Variants in KCNIP1 observed in about 807,000 individuals in gnomAD.
KCNIP1 encodes the protein potassium voltage-gated channel interacting protein 1.
KCNIP1 carries 18 observed loss-of-function variants against 33.0 expected under a neutral mutation model. The ratio of observed to expected loss-of-function variants is 0.55; its 90% CI spans 0.38 to 0.81. The LOEUF is 0.81. Ranked by LOEUF, KCNIP1 falls within the 30% of genes least tolerant of loss-of-function variation. The pLI, the probability that KCNIP1 is intolerant of heterozygous loss-of-function variation, is 0.00. For missense variants in KCNIP1, 238 were observed against 271.6 expected (o/e 0.88, Z 0.87); for synonymous variants, 93 against 98.3 (o/e 0.95, Z 0.32).
Position 170,489,999 on chromosome 5 carries a change from A to G in KCNIP1, c.88+136035A>G, listed in dbSNP as rs1757173992. 6.6e-6 allele frequency among the ~76,000 whole-genome samples: 1 copy of G among 152,194 alleles called. No homozygotes were observed. The highest frequency in any genetic ancestry group is 1.5e-5 in the Non-Finnish European group (1 of 68,036). ...GGTTTGAGGGTTAAGGACATTCACC[A>G]GTCTCCCAGCACACTCATCTCCACC... On this transcript the variant is annotated intron_variant, in intron 1 of 7. Coordinates refer to the KCNIP1 transcript ENST00000377360. This position sits in a 1 kb window ranked among gnomAD's most constrained non-coding sequence, Gnocchi z 4.3.
intron 1 of KCNIP1, among the ~76,000 whole-genome samples, chr5:170,565,516 A>T (rs10050738): frequency 0.64 from 96,731 of 151,710 alleles, 31,562 homozygotes; most frequent in African/African-American, 0.78. Flanking sequence ...TCTTCTCTAA[A>T]CACTCACAGT....
chr5:170,729,282 A>C (rs1764114156), intron 5 of KCNIP1, among the ~76,000 whole-genome samples: 1 of 152,220 alleles, frequency 6.6e-6, no homozygotes, highest in Non-Finnish European at 1.5e-5. Flanking sequence ...TCTGCATATC[A>C]AAAAATACCA....
chr5:170,533,841 C>G (rs935506704), intron 1 of KCNIP1, among the ~76,000 whole-genome samples: 3 of 152,184 alleles, frequency 2.0e-5, no homozygotes, highest in Non-Finnish European at 4.4e-5. Flanking sequence ...TGCCCATCTC[C>G]TGATCCACAA....
intron 1 of KCNIP1, among the ~76,000 whole-genome samples, chr5:170,625,456 C>T (rs1317134456): frequency 6.6e-6 from 1 of 152,246 alleles, no homozygotes; most frequent in Non-Finnish European, 1.5e-5. Context: ...GCACCCTCAT[C>T]TCCGGCTCCC....
At chr5:170,477,999 G>A (rs186898321) in intron 1 of KCNIP1, among the ~76,000 whole-genome samples, 64 of 152,286 alleles carry the variant, frequency 4.2e-4, no homozygotes, top group Non-Finnish European at 6.9e-4. Flanking sequence ...TGCTGGGGAG[G>A]TGTCAGGGGA....
intron 1 of KCNIP1, among the ~76,000 whole-genome samples, chr5:170,411,283 T>C (rs1561612541): frequency 6.6e-6 from 1 of 152,260 alleles, no homozygotes; most frequent in African/African-American, 2.4e-5. Flanking sequence ...ATGCCCATTT[T>C]ACAGATAAGG....
chr5:170,596,107 A>C (rs575809646), intron 1 of KCNIP1, among the ~76,000 whole-genome samples: 2 of 152,342 alleles, frequency 1.3e-5, no homozygotes, highest in African/African-American at 4.8e-5. Context: ...GGGCTTCGAA[A>C]GCAGCAGAAA....
At chr5:170,399,948 C>T (rs143158839) in intron 1 of KCNIP1, among the ~76,000 whole-genome samples, 8 of 152,234 alleles carry the variant, frequency 5.3e-5, no homozygotes, top group Middle Eastern at 3.4e-3. Flanking sequence ...CCATTAAAAG[C>T]CTCTGCCTCT....
chr5:170,629,170 A>T (rs1393789274), intron 1 of KCNIP1, among the ~76,000 whole-genome samples: 2 of 151,910 alleles, frequency 1.3e-5, no homozygotes, highest in African/African-American at 4.8e-5. Flanking sequence ...TAAGCTCACC[A>T]CTCTGGGAGA....
intron 1 of KCNIP1, among the ~76,000 whole-genome samples, chr5:170,575,988 C>T (rs1372951860): frequency 6.6e-6 from 1 of 152,186 alleles, no homozygotes; most frequent in Non-Finnish European, 1.5e-5. Flanking sequence ...TAACAAATCA[C>T]CCCAAACGCA....
chr5:170,613,698 T>C (rs1309654939), intron 1 of KCNIP1, among the ~76,000 whole-genome samples: 2 of 152,200 alleles, frequency 1.3e-5, no homozygotes, highest in Non-Finnish European at 2.9e-5. Context: ...GGGTTGTTAC[T>C]GTCACAGATC....
upstream of KCNIP1, among the ~76,000 whole-genome samples, chr5:170,499,745 G>A (rs1757376535): frequency 6.6e-6 from 1 of 152,176 alleles, no homozygotes; most frequent in East Asian, 1.9e-4. Flanking sequence ...AGGAAGAAAG[G>A]AGAGGGGGAG....
At chr5:170,684,719 A>C (rs1004305723) in intron 1 of KCNIP1, among the ~76,000 whole-genome samples, 6 of 152,172 alleles carry the variant, frequency 3.9e-5, no homozygotes, top group Non-Finnish European at 8.8e-5. Context: ...CACTGGCCAC[A>C]CAAGGACCTG....
intron 7 of KCNIP1, among the ~76,000 whole-genome samples, 177 bp downstream of exon 7, chr5:170,734,075 C>T (rs577475306): frequency 2.0e-5 from 3 of 152,088 alleles, no homozygotes; most frequent in African/African-American, 4.8e-5. Context: ...ACCTGACCTG[C>T]AGTTGGTCTT....
At chr5:170,459,511 AT>A (rs1267851921) in intron 1 of KCNIP1, among the ~76,000 whole-genome samples, 1 of 152,230 alleles carries the variant, frequency 6.6e-6, no homozygotes, top group Admixed American at 6.5e-5. Context: ...CCACAGTGGA[AT>A]AAAACTGGAA....
At chr5:170,570,149 A>C (rs7723669) in intron 1 of KCNIP1, among the ~76,000 whole-genome samples, 10,412 of 152,228 alleles carry the variant, frequency 0.068, 435 homozygotes, top group Non-Finnish European at 0.095. Flanking sequence ...TAGAAAAGTC[A>C]CTGAGCCTCT....
intron 6 of KCNIP1, 101 bp from the exon 7 acceptor site, chr5:170,733,735 G>A (rs1764289646): frequency 5.2e-6 from 5 of 955,726 alleles, no homozygotes; most frequent in South Asian, 1.5e-5. Flanking sequence ...AATGAAATGA[G>A]CTCCAGCTCG....
chr5:170,490,870 G>A (rs1020355188), intron 1 of KCNIP1, among the ~76,000 whole-genome samples: 41 of 152,172 alleles, frequency 2.7e-4, no homozygotes, highest in Non-Finnish European at 5.6e-4. Flanking sequence ...TGTAGGCCTT[G>A]CTGTTTCTTT....
chr5:170,681,318 A>G, intron 1 of KCNIP1: 3 of 389,588 alleles, frequency 7.7e-6, no homozygotes, highest in Non-Finnish European at 1.4e-5. Context: ...ACAGCGTGGT[A>G]TTGGTCCCCG....
Sources: allele counts gnomAD v4.1 joint callset (sites outside exome capture counted in the v4.1 genomes callset), GRCh38; gene constraint gnomAD v4.1.1; non-coding constraint Gnocchi (gnomAD v3.1); transcripts MANE v1.5; gene names NCBI Gene and HGNC (gene_info 2026-07-23, HGNC 2026-07-21).